The following RBFOX2 variants were observed in gnomAD, a reference collection of about 807,000 sequenced individuals.
RBFOX2 encodes RNA binding fox-1 homolog 2.
A neutral mutation model predicts 49.1 loss-of-function variants in RBFOX2; 10 were observed. That is an observed-to-expected ratio of 0.20 (90% CI 0.13 to 0.35). RBFOX2 has a LOEUF of 0.35. Among genes scored for constraint, RBFOX2 ranks in the 10% least tolerant of loss-of-function variants. RBFOX2 has a pLI of 1.00. For synonymous variants in RBFOX2, 183 were observed against 187.4 expected (o/e 0.98, Z 0.19); for missense variants, 323 against 486.9 (o/e 0.66, Z 3.17).
rs1034761569 is a variant in RBFOX2, at chr22:36,015,990, T to C, written c.186+12250A>G. On this transcript the variant is annotated intron_variant, in intron 1 of 13. Coordinates refer to the RBFOX2 transcript ENST00000438146. ...TGTAGCTGCTTTTCCACTTGCCTAA[T>C]GGCCCAAGACAAATAGAGCAGGGCC... Among the ~76,000 whole-genome samples the C allele has an allele frequency of 3.9e-5, 6 of 152,290 alleles. 1 individual carries two copies. In the South Asian group the frequency reaches 1.2e-3, roughly 32 times the overall value.
At chr22:36,016,076 G>A (rs2146449694) in intron 1 of RBFOX2, among the ~76,000 whole-genome samples, 2 of 152,190 alleles carry the variant, frequency 1.3e-5, no homozygotes, top group South Asian at 4.1e-4. Flanking sequence ...CTCAGAACAA[G>A]CCACATACCC....
chr22:35,920,573 A>G (rs977446072), intron 1 of RBFOX2, among the ~76,000 whole-genome samples: 2 of 152,186 alleles, frequency 1.3e-5, no homozygotes, highest in Non-Finnish European at 2.9e-5. Flanking sequence ...TTACTGCCTT[A>G]ATTTTATACT....
intron 2 of RBFOX2, among the ~76,000 whole-genome samples, chr22:35,789,638 C>T (rs986059131): frequency 2.6e-5 from 4 of 152,120 alleles, no homozygotes; most frequent in African/African-American, 9.7e-5. Flanking sequence ...TTTTTAATTT[C>T]AAGGACTCAT....
At chr22:36,018,005 TAGA>T (rs1323012374) in intron 1 of RBFOX2, among the ~76,000 whole-genome samples, 2 of 152,144 alleles carry the variant, frequency 1.3e-5, no homozygotes, top group African/African-American at 4.8e-5. Context: ...TCACAGGGGA[TAGA>T]AAGCAGACCA....
At chr22:36,027,139 AAAAC>A in intron 1 of RBFOX2, among the ~76,000 whole-genome samples, 1 of 152,298 alleles carries the variant, frequency 6.6e-6, no homozygotes, top group South Asian at 2.1e-4. Flanking sequence ...TCCTCCAAAA[AAAAC>A]AAAGATGAAA....
At chr22:35,813,572 A>G (rs1040414844) in intron 1 of RBFOX2, among the ~76,000 whole-genome samples, 3 of 152,108 alleles carry the variant, frequency 2.0e-5, no homozygotes, top group Non-Finnish European at 2.9e-5. Flanking sequence ...TTCCTTTCCT[A>G]TATTCTTATA....
chr22:35,746,685 C>A (rs958617826), intron 9 of RBFOX2, 124 bp from the exon 12 acceptor site: 31 of 456,298 alleles, frequency 6.8e-5, no homozygotes, highest in African/African-American at 4.0e-4. Context: ...AACATAGACA[C>A]ACACATGGGA....
chr22:35,873,043 C>T (rs1338569828), intron 1 of RBFOX2, among the ~76,000 whole-genome samples: 1 of 152,196 alleles, frequency 6.6e-6, no homozygotes, highest in Admixed American at 6.5e-5. Context: ...TTATCACCAC[C>T]ATTATCTCAA....
chr22:36,028,548 G>C, exon 1 of RBFOX2: 3 of 896,782 alleles, frequency 3.3e-6, no homozygotes, highest in Non-Finnish European at 4.0e-6. Context: ...GCGTGCGTGC[G>C]TGCGTGCGCG....
chr22:36,022,171 A>G (rs2059269372), intron 1 of RBFOX2, among the ~76,000 whole-genome samples: 1 of 152,250 alleles, frequency 6.6e-6, no homozygotes. Flanking sequence ...ACAAATTATT[A>G]AAGCCTGACA....
At chr22:35,821,642 C>T (rs1954536143) in intron 1 of RBFOX2, 2 of 423,036 alleles carry the variant, frequency 4.7e-6, no homozygotes, top group South Asian at 1.8e-5. Flanking sequence ...GCAGTAGTAT[C>T]CTATCCTTCA....
intron 1 of RBFOX2, among the ~76,000 whole-genome samples, chr22:35,917,143 T>C (rs1603448180): frequency 6.6e-6 from 1 of 151,866 alleles, no homozygotes; most frequent in African/African-American, 2.4e-5. Flanking sequence ...AACTCCTAGG[T>C]GATGGGGGAA....
intron 1 of RBFOX2, among the ~76,000 whole-genome samples, chr22:35,932,821 C>G (rs919008911): frequency 1.3e-5 from 2 of 152,202 alleles, no homozygotes; most frequent in African/African-American, 4.8e-5. Flanking sequence ...GCAAATGTTG[C>G]AGTGAGCCAA....
exon 12 of RBFOX2, chr22:35,739,023 G>A (rs774274454): frequency 6.5e-6 from 1 of 152,738 alleles, no homozygotes; most frequent in Non-Finnish European, 1.5e-5. Flanking sequence ...ATTAGAGACT[G>A]TCACAAAGCC....
At chr22:35,967,859 A>G (rs907632326) in intron 1 of RBFOX2, among the ~76,000 whole-genome samples, 3 of 152,224 alleles carry the variant, frequency 2.0e-5, no homozygotes, top group East Asian at 1.9e-4. Flanking sequence ...AATGTAAGTT[A>G]TAAGTCCAGC....
intron 1 of RBFOX2, chr22:35,996,012 G>A (rs768999263): frequency 6.6e-6 from 1 of 152,234 alleles, no homozygotes; most frequent in Non-Finnish European, 1.5e-5. Context: ...GGAAACAGCT[G>A]TTGTGAGATC....
At chr22:35,976,949 C>A (rs770231272) in intron 1 of RBFOX2, among the ~76,000 whole-genome samples, 1 of 149,358 alleles carries the variant, frequency 6.7e-6, no homozygotes, top group African/African-American at 2.5e-5. Context: ...GGGCGACAGA[C>A]CGAGACTCCG....
At chr22:36,003,875 T>C (rs922981906) in intron 1 of RBFOX2, among the ~76,000 whole-genome samples, 3 of 152,202 alleles carry the variant, frequency 2.0e-5, no homozygotes, top group Non-Finnish European at 4.4e-5. Context: ...CTGTTGCCTT[T>C]ACTCAACAAC....
intron 1 of RBFOX2, among the ~76,000 whole-genome samples, chr22:35,911,199 G>A (rs1339961198): frequency 6.6e-6 from 1 of 152,104 alleles, no homozygotes; most frequent in East Asian, 1.9e-4. Context: ...ATCTCCCCCA[G>A]GTACTTAAGT....
Sources: gnomAD v4.1 joint callset for allele counts (sites outside exome capture counted in the v4.1 genomes callset) on GRCh38, gnomAD v4.1.1 for gene constraint, MANE v1.5 for transcripts, NCBI Gene and HGNC (gene_info 2026-07-23, HGNC 2026-07-21) for gene names.